Variants in ACVR2A observed in about 807,000 individuals in gnomAD.
ACVR2A encodes the protein activin A receptor type 2A, also known as activin receptor type-2A.
Under a neutral mutation model 61.4 loss-of-function variants are expected in ACVR2A, and 7 were observed. The observed-to-expected ratio is 0.11, with a 90% CI of 0.06 to 0.21. The LOEUF is 0.21. Among genes scored for constraint, ACVR2A ranks in the 10% least tolerant of loss-of-function variants. The pLI is 1.00. For missense variants in ACVR2A, 322 were observed against 621.7 expected (o/e 0.52, Z 5.13); for synonymous variants, 193 against 208.3 (o/e 0.93, Z 0.63).
intron 1 of ACVR2A, among the ~76,000 whole-genome samples, chr2:147,863,417 G>A (rs1685775166): frequency 6.6e-6 from 1 of 152,136 alleles, no homozygotes; most frequent in African/African-American, 2.4e-5. Flanking sequence ...CACCCTGTGA[G>A]GTTGAAAATC....
At chr2:147,925,815 G>C (rs1456181937) in intron 9 of ACVR2A, 3 of 462,238 alleles carry the variant, frequency 6.5e-6, no homozygotes, top group African/African-American at 6.0e-5. Context: ...AATCTTTAAG[G>C]GAATTACATG....
intron 1 of ACVR2A, among the ~76,000 whole-genome samples, chr2:147,845,566 G>C (rs1347965844): frequency 6.6e-6 from 1 of 152,158 alleles, no homozygotes; most frequent in Non-Finnish European, 1.5e-5. Flanking sequence ...GTTGAGATCT[G>C]AAAGGAGTAT....
chr2:147,911,878 A>C (rs1687127070), intron 4 of ACVR2A, among the ~76,000 whole-genome samples: 1 of 152,040 alleles, frequency 6.6e-6, no homozygotes, highest in Non-Finnish European at 1.5e-5. Flanking sequence ...TGTATTGGTT[A>C]ATTTTTATAT....
intron 1 of ACVR2A, among the ~76,000 whole-genome samples, chr2:147,867,146 C>T (rs1685877050): frequency 6.6e-6 from 1 of 152,162 alleles, no homozygotes; most frequent in Non-Finnish European, 1.5e-5. Flanking sequence ...TTATTTGTAA[C>T]TTTACCAAGA....
intron 4 of ACVR2A, 36 bp downstream of exon 4, chr2:147,899,934 T>C (rs746117419): frequency 1.8e-5 from 28 of 1,588,304 alleles, no homozygotes; most frequent in Middle Eastern, 1.7e-4. Context: ...GTGTTTTAAA[T>C]TGTATATTTT....
chr2:147,906,759 C>A (rs1283805935), intron 4 of ACVR2A, among the ~76,000 whole-genome samples: 2 of 150,910 alleles, frequency 1.3e-5, no homozygotes, highest in African/African-American at 4.9e-5. Flanking sequence ...GATCACTTTA[C>A]ACATATTAAC....
intron 1 of ACVR2A, among the ~76,000 whole-genome samples, chr2:147,875,976 G>A (rs1686143654): frequency 6.6e-6 from 1 of 152,054 alleles, no homozygotes; most frequent in South Asian, 2.1e-4. Flanking sequence ...ACAGAAAACT[G>A]AAAGATTATG....
intron 4 of ACVR2A, among the ~76,000 whole-genome samples, chr2:147,905,813 G>A (rs1194311434): frequency 6.6e-6 from 1 of 152,080 alleles, no homozygotes; most frequent in Non-Finnish European, 1.5e-5. Flanking sequence ...AAGGCCAGTT[G>A]GAGATTGTCT....
intron 4 of ACVR2A, among the ~76,000 whole-genome samples, chr2:147,913,120 A>C (rs1166551569): frequency 6.6e-6 from 1 of 151,884 alleles, no homozygotes; most frequent in Admixed American, 6.6e-5. Context: ...AGATATTAAA[A>C]ATTATTTTTT....
intron 1 of ACVR2A, among the ~76,000 whole-genome samples, chr2:147,876,873 C>T (rs887212295): frequency 6.6e-6 from 1 of 152,160 alleles, no homozygotes; most frequent in Non-Finnish European, 1.5e-5. Context: ...CTGATAGACA[C>T]AGTTGTTCCT....
intron 10 of ACVR2A, 77 bp from the exon 11 acceptor site, chr2:147,927,003 T>C: frequency 7.1e-7 from 1 of 1,404,104 alleles, no homozygotes; most frequent in East Asian, 2.5e-5. Flanking sequence ...TAGCCATTTC[T>C]TCATGAAAAT....
At position 147,913,757 on chromosome 2, in the gene ACVR2A, G is replaced by A. The variant is rs181376283; in HGVS notation, c.529-1434G>A. 4.0e-5 allele frequency among the ~76,000 whole-genome samples: 5 copies of A among 123,912 alleles called. 1 individual carries two copies. The highest frequency in any genetic ancestry group is 2.8e-4 in the South Asian group (1 of 3,600). 81.3% of individuals were successfully genotyped at this position (123,912 alleles called of 152,430 possible). A position where few individuals can be genotyped will look rare whatever the true frequency, so the allele number is the denominator to read the frequency against. ...GATTTATATCTGACCTCCTTGACCC[G>A]TCACTCTGCTAAACAGAAACGTTCT... On this transcript the variant is annotated intron_variant, in intron 4 of 10. Coordinates refer to ENST00000241416, the MANE Select transcript of ACVR2A (RefSeq NM_001616.5).
At chr2:147,873,509 G>GT (rs1262495657) in intron 1 of ACVR2A, among the ~76,000 whole-genome samples, 1 of 151,852 alleles carries the variant, frequency 6.6e-6, no homozygotes, top group Non-Finnish European at 1.5e-5. Context: ...AGTGGCTACT[G>GT]TATTGGACAG....
At chr2:147,874,156 T>C (rs1397254337) in intron 1 of ACVR2A, among the ~76,000 whole-genome samples, 1 of 151,892 alleles carries the variant, frequency 6.6e-6, no homozygotes, top group African/African-American at 2.4e-5. Context: ...GATAGGGACT[T>C]TGGTCACAGT....
chr2:147,881,593 A>G (rs1686298840), intron 1 of ACVR2A, among the ~76,000 whole-genome samples: 1 of 122,758 alleles, frequency 8.1e-6, no homozygotes, highest in Admixed American at 8.4e-5. Context: ...TCCTCTCAAG[A>G]AGCTGCTTAG....
Position 147,915,329 on chromosome 2 carries a change from A to G in ACVR2A, c.667A>G (p.Ile223Val), listed in dbSNP as rs1489499469. ...ATATGTGGCTGTCAAAATATTTCCA[A>G]TACAGGTATGTTTATTGCAGTTTTG... Reference protein sequence around the residue: ...NEYVAVKIFPIQDKQSWQNEY... With the variant: ...NEYVAVKIFPVQDKQSWQNEY... The change falls in exon 5 of 11, where the codon ATA becomes GTA. Residue 223 changes from isoleucine (I) to valine (V), a missense_variant. Coordinates refer to ENST00000241416, the MANE Select transcript of ACVR2A (RefSeq NM_001616.5). 3.7e-6 allele frequency: 6 copies of G among 1,611,644 alleles called. No homozygotes were observed. The highest frequency in any genetic ancestry group is 2.2e-5 in the East Asian group (1 of 44,792).
chr2:147,911,591 G>A (rs1687112229), intron 4 of ACVR2A, among the ~76,000 whole-genome samples: 1 of 151,986 alleles, frequency 6.6e-6, no homozygotes, highest in South Asian at 2.1e-4. Context: ...TTTTATGGTT[G>A]TGGAACTTTC....
intron 1 of ACVR2A, among the ~76,000 whole-genome samples, chr2:147,875,902 G>T (rs1686141597): frequency 6.6e-6 from 1 of 152,022 alleles, no homozygotes; most frequent in South Asian, 2.1e-4. Context: ...ACCTCTCAAA[G>T]TTTATACTTC....
At chr2:147,898,197 T>C (rs1312709255) in intron 2 of ACVR2A, 7 of 152,100 alleles carry the variant, frequency 4.6e-5, no homozygotes, top group Non-Finnish European at 1.0e-4. Context: ...TTTTAAACTA[T>C]AAAATTTTGT....
Sources: gnomAD v4.1 joint callset for allele counts (sites outside exome capture counted in the v4.1 genomes callset) on GRCh38, gnomAD v4.1.1 for gene constraint, MANE v1.5 for transcripts, NCBI Gene and HGNC (gene_info 2026-07-23, HGNC 2026-07-21) for gene names.